The following AKAP19 variants were observed in gnomAD, a reference collection of about 807,000 sequenced individuals.
AKAP19 encodes the protein A-kinase anchoring protein 19.
the AKAP19 span, chr2:190,057,633 C>A: frequency 1.2e-6 from 2 of 1,613,020 alleles, no homozygotes; most frequent in East Asian, 2.2e-5. Flanking sequence ...CCTCTAAAAA[C>A]GGATTCTGTT....
At chr2:190,014,486 C>G in the AKAP19 span, among the ~76,000 whole-genome samples, 1 of 152,164 alleles carries the variant, frequency 6.6e-6, no homozygotes, top group African/African-American at 2.4e-5. Context: ...CACCATGTCC[C>G]TCCCTCAACA....
chr2:189,941,152 A>T, the AKAP19 span, among the ~76,000 whole-genome samples: 1 of 152,356 alleles, frequency 6.6e-6, no homozygotes, highest in Admixed American at 6.5e-5. Flanking sequence ...TTCAATTATA[A>T]AGGAGAGATA....
At chr2:190,200,201 G>T in the AKAP19 span, 3 of 1,488,876 alleles carry the variant, frequency 2.0e-6, 1 homozygote, top group South Asian at 3.6e-5. Flanking sequence ...GAATAAATGT[G>T]ACAAAAGCAA....
chr2:190,027,040 T>C, the AKAP19 span, among the ~76,000 whole-genome samples: 35 of 152,320 alleles, frequency 2.3e-4, no homozygotes, highest in African/African-American at 6.3e-4. Context: ...CTAATCCATG[T>C]CCAAAATTCC....
At chr2:189,926,959 C>T in the AKAP19 span, among the ~76,000 whole-genome samples, 4 of 152,150 alleles carry the variant, frequency 2.6e-5, no homozygotes, top group Non-Finnish European at 5.9e-5. Flanking sequence ...TCATAGCTCA[C>T]TGCAGCCTCA....
At chr2:190,079,995 T>C in the AKAP19 span, 1 of 152,136 alleles carries the variant, frequency 6.6e-6, no homozygotes, top group East Asian at 1.9e-4. Flanking sequence ...GTGAAATAGA[T>C]ATCCTGAGCA....
At chr2:190,200,378 T>C in the AKAP19 span, 2 of 472,740 alleles carry the variant, frequency 4.2e-6, no homozygotes, top group African/African-American at 3.9e-5. Context: ...TGAACAGAGG[T>C]CCTGTGACAC....
chr2:189,917,076 A>G, the AKAP19 span, among the ~76,000 whole-genome samples: 1 of 152,210 alleles, frequency 6.6e-6, no homozygotes, highest in East Asian at 1.9e-4. Flanking sequence ...CTTGAAGAAT[A>G]TAATGATAAC....
the AKAP19 span, among the ~76,000 whole-genome samples, chr2:189,959,962 T>C: frequency 6.6e-6 from 1 of 152,214 alleles, no homozygotes; most frequent in African/African-American, 2.4e-5. Context: ...TATGTAGGTT[T>C]TTTTCATATT....
the AKAP19 span, among the ~76,000 whole-genome samples, chr2:190,170,437 C>T: frequency 2.0e-5 from 3 of 152,224 alleles, no homozygotes; most frequent in African/African-American, 7.2e-5. Context: ...AAGAGACATA[C>T]TTAGCTCTCT....
chr2:189,935,975 G>C, the AKAP19 span, among the ~76,000 whole-genome samples: 1 of 152,044 alleles, frequency 6.6e-6, no homozygotes, highest in Non-Finnish European at 1.5e-5. Context: ...ACAGAAGACA[G>C]AACAGTTTTT....
chr2:189,891,364 C>T, the AKAP19 span, among the ~76,000 whole-genome samples: 1 of 151,132 alleles, frequency 6.6e-6, no homozygotes, highest in Non-Finnish European at 1.5e-5. Context: ...GCTGGGACTA[C>T]AGCCCCATGC....
chr2:190,073,921 C>T, the AKAP19 span, among the ~76,000 whole-genome samples: 123 of 151,828 alleles, frequency 8.1e-4, no homozygotes, highest in Non-Finnish European at 1.6e-3. Flanking sequence ...TGTGGTGAGA[C>T]GTGCCTGTAG....
chr2:190,153,585 G>A, the AKAP19 span, among the ~76,000 whole-genome samples: 1 of 152,006 alleles, frequency 6.6e-6, no homozygotes, highest in Non-Finnish European at 1.5e-5. Flanking sequence ...CTTATTTTGA[G>A]TGCTTTTTAA....
At chr2:190,054,029 A>G in the AKAP19 span, among the ~76,000 whole-genome samples, 4 of 152,084 alleles carry the variant, frequency 2.6e-5, no homozygotes, top group Admixed American at 2.0e-4. Context: ...TTTGCAATTC[A>G]GTTTGAAAAT....
the AKAP19 span, among the ~76,000 whole-genome samples, chr2:190,121,005 T>TG: frequency 2.6e-5 from 4 of 152,300 alleles, no homozygotes; most frequent in African/African-American, 9.6e-5. Flanking sequence ...TTTAGGAATT[T>TG]GGGGGAGTTC....
chr2:190,083,352 G>A, the AKAP19 span, among the ~76,000 whole-genome samples: 2 of 140,274 alleles, frequency 1.4e-5, no homozygotes, highest in African/African-American at 5.2e-5. Flanking sequence ...CAAGCTGGGC[G>A]ACAGAGATCC....
At chr2:190,153,769 T>C in the AKAP19 span, among the ~76,000 whole-genome samples, 2 of 152,212 alleles carry the variant, frequency 1.3e-5, no homozygotes, top group African/African-American at 2.4e-5. Flanking sequence ...TTGATCATGG[T>C]ATATTCTCTT....
At chr2:190,011,170 G>A in the AKAP19 span, among the ~76,000 whole-genome samples, 5 of 147,180 alleles carry the variant, frequency 3.4e-5, no homozygotes, top group South Asian at 1.1e-3. Context: ...TGATTCTCCT[G>A]TCTCAGCCTC....
Sources: allele counts gnomAD v4.1 joint callset (sites outside exome capture counted in the v4.1 genomes callset), GRCh38; gene constraint gnomAD v4.1.1; transcripts MANE v1.5; gene names NCBI Gene and HGNC (gene_info 2026-07-23, HGNC 2026-07-21).